Variants in MYO15A observed in about 807,000 individuals in gnomAD.
MYO15A encodes the protein myosin XVA.
A neutral mutation model predicts 394.6 loss-of-function variants in MYO15A; 308 were observed. The observed-to-expected ratio is 0.78, with a 90% CI of 0.71 to 0.86. The LOEUF (loss-of-function observed/expected upper bound fraction) is 0.86. Among genes scored for constraint, MYO15A ranks in the 40% least tolerant of loss-of-function variants. The probability of loss-of-function intolerance (pLI) is 0.00; values close to 1 mark genes in which losing one functional copy is unlikely to be tolerated. For synonymous variants in MYO15A, 1,957 were observed against 2,003.8 expected (o/e 0.98, Z 0.62); for missense variants, 4,606 against 4,799.1 (o/e 0.96, Z 1.19).
intron 34 of MYO15A, 45 bp downstream of exon 34, chr17:18,149,421 G>A (rs752786856): frequency 1.9e-6 from 3 of 1,613,182 alleles, no homozygotes; most frequent in East Asian, 2.2e-5. Context: ...GGGAGCCTTA[G>A]AGGCTGTGTG....
rs2045827899 is a variant in MYO15A at position 18,118,620 on chromosome 17, A to G, written c.-181A>G. 2.4e-6 allele frequency: 2 copies of G among 822,950 alleles called. No homozygotes were observed. Among genetic ancestry groups the G allele is most frequent in the Non-Finnish European group, 3.7e-6 (2 of 533,788 alleles). 51.0% of individuals were successfully genotyped at this position (822,950 alleles called of 1,614,324 possible). ...GCGCTCTAGAGGAGATGAATTATGG[A>G]TCCGCCCTCCCGGAATCCTGGCTCG... On this transcript the variant is annotated 5_prime_UTR_variant, in exon 2 of 66. Transcript: ENST00000647165.
chr17:18,131,649 C>CGTACATGT (rs1161702392), intron 10 of MYO15A, 118 bp downstream of exon 10: 5 of 1,221,026 alleles, frequency 4.1e-6, no homozygotes, highest in African/African-American at 3.0e-5. Flanking sequence ...CGAATACATG[C>CGTACATGT]GTACATGTGT....
At chr17:18,131,124 A>C in intron 8 of MYO15A, 115 bp from the exon 9 acceptor site, 1 of 964,492 alleles carries the variant, frequency 1.0e-6, no homozygotes, top group Middle Eastern at 2.9e-4. Context: ...GTCATCTCTC[A>C]TAAAGGGAGG....
Position 18,146,102 on chromosome 17 carries a change from T to C in MYO15A, c.6504T>C (p.Leu2168=). 6.2e-7 allele frequency: 1 copy of C among 1,613,816 alleles called. No individual in the cohort carries two copies. The highest frequency in any genetic ancestry group is 8.5e-7 in the Non-Finnish European group (1 of 1,179,978). ...CTTCCCCGTGCTTCAACAAGTACCTTCTCAAGTGAGTGGGACTGGATAGGG... is the reference window on the plus strand; with the variant it reads ...CTTCCCCGTGCTTCAACAAGTACCTCCTCAAGTGAGTGGGACTGGATAGGG... ...FAPSPCFNKY[L]LKFVSDYGRN... Residue 2168 remains leucine (L), a synonymous_variant, in exon 30 of 66, where the codon CTT becomes CTC. Transcript: ENST00000647165.
At chr17:18,111,261 G>T (rs1032170253) in intron 1 of MYO15A, among the ~76,000 whole-genome samples, 2 of 151,044 alleles carry the variant, frequency 1.3e-5, no homozygotes, top group African/African-American at 4.9e-5. Context: ...CTTGAGCCTG[G>T]GAGCTTGAGG....
Position 18,119,562 on chromosome 17 carries a change from C to A in MYO15A, c.762C>A (p.Tyr254Ter). The A allele has an allele frequency of 1.2e-6, 2 of 1,607,090 alleles. No individual in the cohort carries two copies. Among genetic ancestry groups the A allele is most frequent in the Non-Finnish European group, 1.7e-6 (2 of 1,179,940 alleles). Residue 254 changes from tyrosine to a stop codon, truncating the protein, a stop_gained, in exon 2 of 66, where the codon TAC (tyrosine) becomes TAA (stop). Transcript: ENST00000647165. LOFTEE classifies it high-confidence loss of function. ...ACGACCGGCAGTCACTCCACCGCTA[C>A]GAGGAGCAGGAACCCTACCTGGCGG... ...DYYDRQSLHR[Y>*]EEQEPYLAGL...
chr17:18,139,700 G>A (rs1336504926), intron 19 of MYO15A, 89 bp downstream of exon 19: 77 of 1,455,148 alleles, frequency 5.3e-5, no homozygotes, highest in Non-Finnish European at 3.1e-5. Flanking sequence ...GGACCGTGTT[G>A]CCACGTCCTG....
rs2045888411 is a variant in MYO15A, at chr17:18,120,267, G to A, written c.1467G>A (p.Gly489=). The A allele has an allele frequency of 5.6e-6, 9 of 1,611,898 alleles. No individual in the cohort carries two copies. Among genetic ancestry groups the A allele is most frequent in the Non-Finnish European group, 6.8e-6 (8 of 1,179,602 alleles). ...CGCGACCCCAGGTGAAGCTGTTTGGGAAGGAGAAGCTGGAGGTGCCCCTGC... is the reference window on the plus strand; with the variant it reads ...CGCGACCCCAGGTGAAGCTGTTTGGAAAGGAGAAGCTGGAGGTGCCCCTGC... ...LFPRPQVKLF[G]KEKLEVPLPP... is the part of the protein sequence containing the mutation. Residue 489 remains glycine (G), a synonymous_variant, in exon 2 of 66, where the codon GGG becomes GGA. Coordinates refer to ENST00000647165, the MANE Select transcript of MYO15A (RefSeq NM_016239.4).
chr17:18,160,032 CT>C lies in MYO15A; in HGVS notation c.9386+18del. On this transcript the variant is annotated intron_variant, in intron 56 of 65. Coordinates refer to ENST00000647165, the MANE Select transcript of MYO15A (RefSeq NM_016239.4). ...AGCTCCAAGCAGTGAGTGAACTGGACTTTACCCCACCATCCCCTCACTGTGT... is the reference window on the plus strand; with the variant it reads ...AGCTCCAAGCAGTGAGTGAACTGGACTTACCCCACCATCCCCTCACTGTGT... 2 of 1,605,554 alleles carry C rather than the reference CT, an allele frequency of 1.2e-6. No homozygotes were observed. Among genetic ancestry groups the C allele is most frequent in the Non-Finnish European group, 1.7e-6 (2 of 1,179,318 alleles).
intron 56 of MYO15A, 47 bp from the exon 57 acceptor site, chr17:18,161,270 T>G: frequency 6.2e-7 from 1 of 1,606,096 alleles, no homozygotes; most frequent in Non-Finnish European, 8.5e-7. Flanking sequence ...CTTGGCACAC[T>G]CTAGTGCTGT....
At chr17:18,166,954 T>C (rs2046863987) in intron 61 of MYO15A, among the ~76,000 whole-genome samples, 1 of 152,218 alleles carries the variant, frequency 6.6e-6, no homozygotes, top group African/African-American at 2.4e-5. Flanking sequence ...GTCAGGATCA[T>C]GGAGTTTACA....
rs12449609 is a variant in MYO15A, at chr17:18,142,327, G to A, written c.5825+73G>A. The A allele has an allele frequency of 0.14, 217,711 of 1,528,734 alleles. 20,084 individuals are homozygous for A. Among genetic ancestry groups the A allele is most frequent in the East Asian group, 0.5 (21,170 of 42,672 alleles). 94.7% of individuals were successfully genotyped at this position (1,528,734 alleles called of 1,614,324 possible). On this transcript the variant is annotated intron_variant, in intron 24 of 65. Coordinates refer to ENST00000647165, the MANE Select transcript of MYO15A (RefSeq NM_016239.4). ...CGGGAGAGGTCACGCCTGAACTTAG[G>A]TGGTGAGCTCCCTATCCCTGGAGGC...
In MYO15A at chr17:18,149,277, C is replaced by G; in HGVS notation, c.7018C>G (p.His2340Asp). ...GTCCACTAGACCCCAGCCCCAGGAG[C>G]ACATGCCCAAAGTACTTGACTCTGA... is the stretch of plus-strand genomic sequence containing the variant. The part of the protein sequence containing the change: ...DMSTRPQPQE[H>D]MPKVLDSDGY... Residue 2340 changes from histidine to aspartate, a missense_variant, in exon 34 of 66, where the codon CAC (histidine) becomes GAC (aspartate). His to Asp is a moderately conservative substitution (Grantham distance 81, BLOSUM62 -1). This residue lies in a region of MYO15A where 2,776 missense variants were observed against 3,109.3 expected (regional missense o/e 0.89). Coordinates refer to ENST00000647165, the MANE Select transcript of MYO15A (RefSeq NM_016239.4). 1 of 1,613,946 alleles carries G rather than the reference C, an allele frequency of 6.2e-7. No homozygotes were observed. The highest frequency in any genetic ancestry group is 8.5e-7 in the Non-Finnish European group (1 of 1,179,956).
chr17:18,150,963 T>C lies in MYO15A; in HGVS notation c.7473+50T>C, dbSNP rs749944852. On this transcript the variant is annotated intron_variant, in intron 38 of 65. Transcript: ENST00000647165. The surrounding 1 kb of genome is among the most constrained non-coding windows in gnomAD (Gnocchi z 4.4). ...AGGGGTTGCTTGGAGACACAAGCTG[T>C]AAAGAGGAATGCTGTGCTGCTCCAG... The C allele has an allele frequency of 6.2e-7, 1 of 1,608,816 alleles. No homozygotes were observed.
At chr17:18,125,132 T>G in intron 3 of MYO15A, 36 bp from the exon 4 acceptor site, 1 of 1,607,678 alleles carries the variant, frequency 6.2e-7, no homozygotes, top group African/African-American at 1.3e-5. Context: ...GAACCAGCCC[T>G]GGGGGCACTG....
intron 12 of MYO15A, among the ~76,000 whole-genome samples, 162 bp from the exon 13 acceptor site, chr17:18,135,549 C>T (rs1238984650): frequency 6.6e-6 from 1 of 152,166 alleles, no homozygotes; most frequent in Admixed American, 6.5e-5. Flanking sequence ...CCATGTTGGT[C>T]AGGTTGGTCT....
At position 18,126,432 on chromosome 17, in the gene MYO15A, G is replaced by A; in HGVS notation, c.3842G>A (p.Gly1281Glu). ...CCGGAGCAGGTGCAGCAGTACAACG[G>A]ACGGGCCCTGGGAGAGAATCCCCCG... The part of the protein sequence containing the change: ...YGPEQVQQYN[G>E]RALGENPPHL... Residue 1281 changes from glycine (G) to glutamate (E), a missense_variant, in exon 5 of 66, where the codon GGA (glycine) becomes GAA (glutamate). This residue lies in a region of MYO15A where 2,776 missense variants were observed against 3,109.3 expected (regional missense o/e 0.89). Transcript: ENST00000647165. 6.2e-7 allele frequency: 1 copy of A among 1,613,936 alleles called. No individual in the cohort carries two copies. The highest frequency in any genetic ancestry group is 1.6e-4 in the Middle Eastern group (1 of 6,062).
At chr17:18,170,716 A>C (rs1028187220) in intron 62 of MYO15A, among the ~76,000 whole-genome samples, 1 of 152,178 alleles carries the variant, frequency 6.6e-6, no homozygotes, top group African/African-American at 2.4e-5. Context: ...AAGAGCAGGA[A>C]GCACATAAAG....
chr17:18,152,002 G>A, intron 41 of MYO15A, 51 bp downstream of exon 41: 1 of 1,540,366 alleles, frequency 6.5e-7, no homozygotes, highest in African/African-American at 1.4e-5. Context: ...GACAAAGAGG[G>A]GCCTCAGGGA....
Sources: gnomAD v4.1 joint callset for allele counts (sites outside exome capture counted in the v4.1 genomes callset) on GRCh38, gnomAD v4.1.1 for gene constraint, gnomAD v4.1.1 regional missense constraint, Gnocchi (gnomAD v3.1) non-coding constraint, MANE v1.5 for transcripts, NCBI Gene and HGNC (gene_info 2026-07-23, HGNC 2026-07-21) for gene names.